JUP: variants seen among roughly 807,000 people sequenced by gnomAD.
JUP encodes catenin (cadherin-associated protein), gamma 80kDa.
Under a neutral mutation model 71.1 loss-of-function variants are expected in JUP, and 28 were observed. The ratio of observed to expected loss-of-function variants is 0.39; its 90% confidence interval spans 0.29 to 0.54. The LOEUF is 0.54. Ranked by LOEUF, JUP falls within the 20% of genes least tolerant of loss-of-function variation. The probability of loss-of-function intolerance (pLI) is 0.62; values close to 1 mark genes in which losing one functional copy is unlikely to be tolerated. For synonymous variants in JUP, 401 were observed against 438.9 expected (o/e 0.91, Z 1.08); for missense variants, 869 against 1,030.1 (o/e 0.84, Z 2.14).
intron 12 of JUP, among the ~76,000 whole-genome samples, chr17:41,757,169 A>G (rs1913955792): frequency 6.6e-6 from 1 of 152,210 alleles, no homozygotes; most frequent in African/African-American, 2.4e-5. Context: ...CAGCACCTCC[A>G]CGCAAATTAC....
intron 5 of JUP, among the ~76,000 whole-genome samples, chr17:41,765,700 A>G (rs1915610038): frequency 6.6e-6 from 1 of 152,204 alleles, no homozygotes; most frequent in Non-Finnish European, 1.5e-5. Context: ...TTTTGAAAAA[A>G]GGATAATACC....
rs1915931667 is a variant in JUP, at chr17:41,767,589, G to A, written c.708-9C>T. On this transcript the variant is annotated splice_polypyrimidine_tract_variant and intron_variant, in intron 4 of 13. Transcript: ENST00000393931. ...CCGACTCCACAGGGGAGCTGGGGGGGTGGGCAGGGGTTAGTACGCTGAGGT... is the reference window on the plus strand; with the variant it reads ...CCGACTCCACAGGGGAGCTGGGGGGATGGGCAGGGGTTAGTACGCTGAGGT... 2 of 1,576,378 alleles carry A rather than the reference G, an allele frequency of 1.3e-6. No homozygotes were observed. The highest frequency in any genetic ancestry group is 1.3e-5 in the African/African-American group (1 of 74,264).
chr17:41,761,860 G>A (rs1914868372), intron 8 of JUP, among the ~76,000 whole-genome samples: 1 of 151,904 alleles, frequency 6.6e-6, no homozygotes, highest in South Asian at 2.1e-4. Flanking sequence ...CTTGAGTTCA[G>A]GAGTTCAAGA....
chr17:41,754,669 CAT>C lies in JUP; in HGVS notation c.*1073_*1074del, dbSNP rs2143346349. On this transcript the variant is annotated 3_prime_UTR_variant, in exon 14 of 14. Transcript: ENST00000393931. ...ATACAAAAAAACCAATAACCAAAAA[CAT>C]AAAGCGATAATAATAAAACACTCTG... 1 of 152,778 alleles carries C rather than the reference CAT, an allele frequency of 6.5e-6. No homozygotes were observed. The highest frequency in any genetic ancestry group is 2.4e-5 in the African/African-American group (1 of 41,568). The allele number at this position is 152,778 out of a possible 1,614,324, so 9.5% of individuals were successfully genotyped here. A position where few individuals can be genotyped will look rare whatever the true frequency, so the allele number is the denominator to read the frequency against.
Position 41,755,698 on chromosome 17 carries a change from A to C in JUP, c.*46T>G, listed in dbSNP as rs781809226. 1 of 1,506,838 alleles carries C rather than the reference A, an allele frequency of 6.6e-7. No homozygotes were observed. Among genetic ancestry groups the C allele is most frequent in the African/African-American group, 1.4e-5 (1 of 72,078 alleles). The allele number at this position is 1,506,838 out of a possible 1,614,324, so 93.3% of individuals were successfully genotyped here. A position where few individuals can be genotyped will look rare whatever the true frequency, so the allele number is the denominator to read the frequency against. ...CCTCCAACAGAAGGAGGTTCTAGAG[A>C]GGAGGAAAAGCCTGCAAAGAGGGGG... On this transcript the variant is annotated 3_prime_UTR_variant, in exon 14 of 14. Transcript: ENST00000393931.
rs1329960065 is a variant in JUP at position 41,772,383 on chromosome 17, G to A, written c.-8-521C>T. The A allele has an allele frequency of 2.9e-5, 7 of 237,962 alleles. No homozygotes were observed. The East Asian group carries it at 4.0e-4, about 14-fold the overall frequency. 14.7% of individuals were successfully genotyped at this position (237,962 alleles called of 1,614,324 possible). On this transcript the variant is annotated intron_variant, in intron 1 of 13. Coordinates refer to ENST00000393931, the MANE Select transcript of JUP (RefSeq NM_002230.4). ...GCGGTCTGACAGGTTTCTCTGGAGC[G>A]CCCCAGGCTCCCTCAGAGACTCCAG...
chr17:41,768,405 A>AAG (rs1916053617), intron 4 of JUP, among the ~76,000 whole-genome samples: 1 of 6,608 alleles, frequency 1.5e-4, no homozygotes, highest in Non-Finnish European at 4.5e-4. Flanking sequence ...ATCTCAAAAC[A>AAG]AAAAAAAATA....
intron 1 of JUP, among the ~76,000 whole-genome samples, chr17:41,774,779 C>T (rs1180604411): frequency 6.6e-6 from 1 of 152,142 alleles, no homozygotes; most frequent in Non-Finnish European, 1.5e-5. Context: ...AAGGTGCTTG[C>T]AGATGGAAGC....
In JUP at chr17:41,771,707, C is replaced by T. The variant is rs374008304; in HGVS notation, c.148G>A (p.Gly50Arg). 8.1e-6 allele frequency: 13 copies of T among 1,614,034 alleles called. No individual in the cohort carries two copies. Among genetic ancestry groups the T allele is most frequent in the Admixed American group, 5.0e-5 (3 of 60,006 alleles). ...GTTTTCTTGAGCGTGTACTGGCGCC[C>T]GCAGGCCTCATCCTCCTCCATGATG... is the stretch of plus-strand genomic sequence containing the variant. ...KGIMEEDEAC[G>R]RQYTLKKTTT... Residue 50 changes from glycine (G) to arginine (R), a missense_variant, in exon 2 of 14, where the codon GGG (glycine) becomes AGG (arginine). Gly to Arg is a moderately radical substitution (Grantham distance 125, BLOSUM62 -2). Coordinates refer to ENST00000393931, the MANE Select transcript of JUP (RefSeq NM_002230.4).
intron 8 of JUP, among the ~76,000 whole-genome samples, chr17:41,759,627 A>G (rs1465458918): frequency 1.3e-5 from 2 of 152,198 alleles, no homozygotes; most frequent in East Asian, 3.9e-4. Flanking sequence ...CTCTGGAAAG[A>G]GGTGTCCTGA....
chr17:41,764,534 G>GGAAAAAAAAAAAAAAAAAAAAAAAAA lies in JUP; in HGVS notation c.1158+178_1158+179insTTTTTTTTTTTTTTTTTTTTTTTTTC, dbSNP rs60346985. Among the ~76,000 whole-genome samples, 4 of 83,910 alleles carry GGAAAAAAAAAAAAAAAAAAAAAAAAA rather than the reference G, an allele frequency of 4.8e-5. 2 individuals are homozygous for GGAAAAAAAAAAAAAAAAAAAAAAAAA. The highest frequency in any genetic ancestry group is 8.3e-5 in the Non-Finnish European group (4 of 48,206). The allele number at this position is 83,910 out of a possible 152,430, so 55.0% of individuals were successfully genotyped here. A position where few individuals can be genotyped will look rare whatever the true frequency, so the allele number is the denominator to read the frequency against. Reference sequence around the variant, plus strand: ...TAGGTGACAGAGTGAGACTCCGTCAGAAAAAAAAAAAAAAAAAAAAAAAGA... The same window carrying GGAAAAAAAAAAAAAAAAAAAAAAAAA: ...TAGGTGACAGAGTGAGACTCCGTCAGGAAAAAAAAAAAAAAAAAAAAAAAAAAAAAAAAAAAAAAAAAAAAAAAAGA... On this transcript the variant is annotated intron_variant, in intron 7 of 13. Transcript: ENST00000393931.
chr17:41,755,525 C>T lies in JUP; in HGVS notation c.*219G>A, dbSNP rs1001897659. ...CACTCCGTGTCACCTGCCCACCACC[C>T]CCAGAAGGGGCCAGCAGGAATAGGC... On this transcript the variant is annotated 3_prime_UTR_variant, in exon 14 of 14. Coordinates refer to ENST00000393931, the MANE Select transcript of JUP (RefSeq NM_002230.4). 4.1e-5 allele frequency: 19 copies of T among 468,102 alleles called. No homozygotes were observed. Among genetic ancestry groups the T allele is most frequent in the Middle Eastern group, 5.6e-4 (1 of 1,784 alleles). The allele number at this position is 468,102 out of a possible 1,614,324, so 29.0% of individuals were successfully genotyped here.
intron 1 of JUP, chr17:41,772,169 C>G (rs1042988809): frequency 2.1e-6 from 1 of 471,072 alleles, no homozygotes; most frequent in Non-Finnish European, 3.9e-6. Context: ...GGCCAGCTGC[C>G]GCCAGAAGCC....
intron 1 of JUP, among the ~76,000 whole-genome samples, chr17:41,780,436 G>C (rs979175115): frequency 6.7e-6 from 1 of 148,620 alleles, no homozygotes; most frequent in Non-Finnish European, 1.5e-5. Context: ...GCTCACGCCT[G>C]TAATCCCAGC....
At chr17:41,765,651 C>A (rs11869884) in intron 5 of JUP, among the ~76,000 whole-genome samples, 1 of 152,216 alleles carries the variant, frequency 6.6e-6, no homozygotes, top group Non-Finnish European at 1.5e-5. Context: ...CCACACCCAG[C>A]CCACCCCAAT....
chr17:41,765,129 C>T (rs955681979), intron 5 of JUP, 62 bp from the exon 6 acceptor site: 54 of 1,521,716 alleles, frequency 3.5e-5, no homozygotes, highest in Admixed American at 1.2e-4. Flanking sequence ...CAAGGAAGCG[C>T]GGGACAGGAG....
At chr17:41,771,943 C>A in intron 1 of JUP, 81 bp from the exon 2 acceptor site, 1 of 1,162,446 alleles carries the variant, frequency 8.6e-7, no homozygotes, top group South Asian at 1.3e-5. Context: ...CAAGCCCCGC[C>A]TGTCTTCCCA....
intron 12 of JUP, 110 bp downstream of exon 12, chr17:41,757,305 A>G (rs1555598461): frequency 1.6e-6 from 2 of 1,233,028 alleles, no homozygotes; most frequent in Non-Finnish European, 2.4e-6. Flanking sequence ...ATCCAATTAC[A>G]AAATAAAAAT....
intron 8 of JUP, among the ~76,000 whole-genome samples, chr17:41,759,734 G>A (rs898194696): frequency 1.4e-4 from 22 of 152,116 alleles, no homozygotes; most frequent in African/African-American, 5.3e-4. Flanking sequence ...AAGACGCCAG[G>A]AGGACAGGGA....
Sources: allele counts gnomAD v4.1 joint callset (sites outside exome capture counted in the v4.1 genomes callset), GRCh38; gene constraint gnomAD v4.1.1; transcripts MANE v1.5; gene names NCBI Gene and HGNC (gene_info 2026-07-23, HGNC 2026-07-21).